STEAP1B: variants seen among roughly 807,000 people sequenced by gnomAD.
The protein encoded by STEAP1B is STEAP family protein MGC87042.
STEAP1B carries 13 observed loss-of-function variants against 27.9 expected under a neutral mutation model. That is an observed-to-expected ratio of 0.47 (90% confidence interval 0.30 to 0.74). The LOEUF (loss-of-function observed/expected upper bound fraction) is 0.74. Ranked by LOEUF, STEAP1B falls within the 30% of genes least tolerant of loss-of-function variation. The probability of loss-of-function intolerance (pLI) is 0.06; values close to 1 mark genes in which losing one functional copy is unlikely to be tolerated. For synonymous variants in STEAP1B, 86 were observed against 107.1 expected, an observed-to-expected ratio of 0.80 and a Z score of 1.22; for missense variants, 250 against 298.7, an observed-to-expected ratio of 0.84 and a Z score of 1.20.
chr7:22,447,057 A>G (rs2128403446), intron 4 of STEAP1B, among the ~76,000 whole-genome samples: 1 of 152,328 alleles, frequency 6.6e-6, no homozygotes, highest in South Asian at 2.1e-4. Flanking sequence ...TTTAGGGTAA[A>G]TGTCTGAAGA....
chr7:22,422,183 T>A (rs1785052182), intron 4 of STEAP1B, among the ~76,000 whole-genome samples: 1 of 152,262 alleles, frequency 6.6e-6, no homozygotes, highest in African/African-American at 2.4e-5. Context: ...ACCTAGTGTG[T>A]GTGCATGTGT....
intron 4 of STEAP1B, among the ~76,000 whole-genome samples, chr7:22,428,998 G>C (rs1785144397): frequency 6.6e-6 from 1 of 152,156 alleles, no homozygotes; most frequent in Non-Finnish European, 1.5e-5. Context: ...CTACTGAATT[G>C]ACCCCAAAAC....
intron 4 of STEAP1B, among the ~76,000 whole-genome samples, chr7:22,453,421 T>C (rs1366103060): frequency 3.3e-5 from 5 of 150,486 alleles, no homozygotes; most frequent in Admixed American, 2.0e-4. Context: ...TTTGCAGTCA[T>C]TGGCCTCAGG....
Position 22,432,019 on chromosome 7 carries a change from C to T in STEAP1B, c.763-12183G>A, listed in dbSNP as rs114734231. ...TATATTGAAATCTTCACCTCCAAGG[C>T]GATGGTATTAGGAGAGGGAGCCTTT... On this transcript the variant is annotated intron_variant, in intron 4 of 4. Coordinates refer to ENST00000678116, the MANE Select transcript of STEAP1B (RefSeq NM_001382447.1). 3.8e-3 allele frequency among the ~76,000 whole-genome samples: 581 copies of T among 152,214 alleles called. 4 individuals are homozygous for T. The highest frequency in any genetic ancestry group is 0.013 in the African/African-American group (545 of 41,536).
chr7:22,437,470 G>T (rs1785269664), intron 4 of STEAP1B, among the ~76,000 whole-genome samples: 1 of 152,022 alleles, frequency 6.6e-6, no homozygotes, highest in Non-Finnish European at 1.5e-5. Context: ...TTCCATTGTG[G>T]GTATATACAT....
rs572472702 is a variant in STEAP1B at position 22,498,243 on chromosome 7, G to C, written c.-32+1871C>G. ...GCACTAACGTGACAACAGCACCAAG[G>C]GGGGATGGTGTTAAACCATGAGAAA... On this transcript the variant is annotated intron_variant, in intron 1 of 4. Coordinates refer to ENST00000678116, the MANE Select transcript of STEAP1B (RefSeq NM_001382447.1). 3.9e-5 allele frequency among the ~76,000 whole-genome samples: 5 copies of C among 127,358 alleles called. No homozygotes were observed. In the East Asian group the frequency reaches 9.7e-4, roughly 25 times the overall value. The allele number at this position is 127,358 out of a possible 152,430, so 83.6% of individuals were successfully genotyped here.
intron 4 of STEAP1B, among the ~76,000 whole-genome samples, chr7:22,437,953 T>G (rs1174604179): frequency 6.6e-6 from 1 of 152,214 alleles, no homozygotes; most frequent in Non-Finnish European, 1.5e-5. Context: ...TTAATCAGAT[T>G]TTGTTATTTC....
At chr7:22,490,154 G>T (rs1334351792) in intron 4 of STEAP1B, among the ~76,000 whole-genome samples, 1 of 151,630 alleles carries the variant, frequency 6.6e-6, no homozygotes, top group African/African-American at 2.4e-5. Flanking sequence ...TTATTTTAGT[G>T]ATTTTATTTT....
chr7:22,456,972 A>ATATATATATATATATATATATATT, intron 4 of STEAP1B, among the ~76,000 whole-genome samples: 1 of 57,044 alleles, frequency 1.8e-5, no homozygotes, highest in Non-Finnish European at 3.3e-5. Flanking sequence ...ATATATATAT[A>ATATATATATATATATATATATATT]TTTTTTTTTT....
At chr7:22,434,000 C>A (rs1056769776) in intron 4 of STEAP1B, among the ~76,000 whole-genome samples, 1 of 152,194 alleles carries the variant, frequency 6.6e-6, no homozygotes, top group African/African-American at 2.4e-5. Context: ...ATGTGTCCAG[C>A]CACCCAGGGA....
intron 4 of STEAP1B, among the ~76,000 whole-genome samples, chr7:22,440,042 G>A (rs879307487): frequency 1.4e-4 from 21 of 152,116 alleles, no homozygotes; most frequent in Non-Finnish European, 3.1e-4. Context: ...AATGTTGGTT[G>A]CATTTTGATG....
intron 4 of STEAP1B, among the ~76,000 whole-genome samples, chr7:22,439,272 T>C (rs1290352542): frequency 6.6e-6 from 1 of 152,182 alleles, no homozygotes; most frequent in Non-Finnish European, 1.5e-5. Flanking sequence ...TTCTTTAAAT[T>C]AATTTTGACT....
chr7:22,437,068 T>C (rs2686525), intron 4 of STEAP1B, among the ~76,000 whole-genome samples: 69,654 of 152,054 alleles, frequency 0.46, 16,111 homozygotes, highest in East Asian at 0.61. Context: ...ACAGACAACA[T>C]ACAGAATGGG....
chr7:22,448,543 A>C (rs1785440841), intron 4 of STEAP1B, among the ~76,000 whole-genome samples: 1 of 152,156 alleles, frequency 6.6e-6, no homozygotes, highest in African/African-American at 2.4e-5. Context: ...ATTTGCTATA[A>C]TCTTAAGACT....
chr7:22,454,865 ATTTTT>A (rs367804282), intron 4 of STEAP1B, among the ~76,000 whole-genome samples: 3,572 of 125,960 alleles, frequency 0.028, 82 homozygotes, highest in Non-Finnish European at 0.04. Context: ...ATATATATAT[ATTTTT>A]TTTTTTTTTT....
intron 4 of STEAP1B, among the ~76,000 whole-genome samples, chr7:22,454,935 T>C (rs1331888471): frequency 6.7e-6 from 1 of 149,950 alleles, no homozygotes; most frequent in Admixed American, 6.7e-5. Context: ...CAATCTCAGC[T>C]CACTGTAACC....
At chr7:22,423,162 T>C (rs1214075168) in intron 4 of STEAP1B, among the ~76,000 whole-genome samples, 2 of 152,198 alleles carry the variant, frequency 1.3e-5, no homozygotes, top group African/African-American at 2.4e-5. Context: ...AACTGGAATA[T>C]TGCTGATGAG....
chr7:22,453,062 C>A (rs2128405120), intron 4 of STEAP1B, among the ~76,000 whole-genome samples: 1 of 152,286 alleles, frequency 6.6e-6, no homozygotes, highest in East Asian at 1.9e-4. Flanking sequence ...GTTCCCCCTT[C>A]CACCAACTCC....
chr7:22,438,627 G>C (rs1276258697), intron 4 of STEAP1B: 1 of 1,552,012 alleles, frequency 6.4e-7, no homozygotes, highest in Non-Finnish European at 8.7e-7. Context: ...TCCTAGTCTT[G>C]GAAGGTGGTG....
Sources: allele counts gnomAD v4.1 joint callset (sites outside exome capture counted in the v4.1 genomes callset), GRCh38; gene constraint gnomAD v4.1.1; transcripts MANE v1.5; gene names NCBI Gene and HGNC (gene_info 2026-07-23, HGNC 2026-07-21).